GBE1: variants seen among roughly 807,000 people sequenced by gnomAD.
The protein encoded by GBE1 is 1,4-alpha-glucan-branching enzyme.
Under a neutral mutation model 88.8 loss-of-function variants are expected in GBE1, and 70 were observed. The observed-to-expected ratio is 0.79, with a 90% CI of 0.65 to 0.96. GBE1 has a LOEUF of 0.96. GBE1 is among the 40% of genes least tolerant of loss of function. The pLI is 0.00. For missense variants in GBE1, 872 were observed against 871.0 expected (o/e 1.00, Z -0.01); for synonymous variants, 284 against 300.1 (o/e 0.95, Z 0.56).
At chr3:81,659,433 T>C (rs887293402) in intron 3 of GBE1, among the ~76,000 whole-genome samples, 1 of 151,842 alleles carries the variant, frequency 6.6e-6, no homozygotes, top group South Asian at 2.1e-4. Flanking sequence ...CCTCCCAGGT[T>C]CAAGGGATTC....
chr3:81,559,890 T>C (rs909932216), intron 12 of GBE1, among the ~76,000 whole-genome samples: 14 of 152,054 alleles, frequency 9.2e-5, no homozygotes, highest in African/African-American at 3.1e-4. Flanking sequence ...GCAAGCAAAA[T>C]AACATGTTCA....
chr3:81,531,978 C>A (rs1703016787), intron 14 of GBE1, among the ~76,000 whole-genome samples: 1 of 151,950 alleles, frequency 6.6e-6, no homozygotes, highest in South Asian at 2.1e-4. Flanking sequence ...GCCCATGTTA[C>A]CTTCTGCTGT....
intron 7 of GBE1, among the ~76,000 whole-genome samples, chr3:81,622,574 A>G (rs1439093207): frequency 6.6e-6 from 1 of 152,150 alleles, no homozygotes; most frequent in Non-Finnish European, 1.5e-5. Context: ...CCTCCCCACT[A>G]AATTCCAGGC....
At chr3:81,501,095 CT>C (rs1282949835) in intron 14 of GBE1, among the ~76,000 whole-genome samples, 1 of 152,130 alleles carries the variant, frequency 6.6e-6, no homozygotes, top group Non-Finnish European at 1.5e-5. Flanking sequence ...CATGTACCCC[CT>C]GAACCTAAAA....
chr3:81,750,541 A>ATATATGTG (rs1706484746), intron 1 of GBE1, among the ~76,000 whole-genome samples: 1 of 97,844 alleles, frequency 1.0e-5, no homozygotes, highest in African/African-American at 5.1e-5. Flanking sequence ...ATATATACGT[A>ATATATGTG]TATATATATG....
intron 7 of GBE1, among the ~76,000 whole-genome samples, chr3:81,596,639 C>T (rs1167179186): frequency 6.6e-6 from 1 of 151,868 alleles, no homozygotes; most frequent in Non-Finnish European, 1.5e-5. Flanking sequence ...TTATAAAATA[C>T]TTAGGACACA....
rs190309440 is a variant in GBE1, at chr3:81,605,262, G to T, written c.993-11239C>A. On this transcript the variant is annotated intron_variant, in intron 7 of 15. Transcript: ENST00000429644. ...CTAGACTTTCAAAGGGTTCTGCAAT[G>T]ATTAATTTAACAATCTACCCATATT... 2.3e-4 allele frequency among the ~76,000 whole-genome samples: 35 copies of T among 152,186 alleles called. 1 individual carries two copies. The highest frequency in any genetic ancestry group is 2.0e-3 in the Admixed American group (31 of 15,270).
At chr3:81,589,904 AAGTATT>A (rs1235921515) in intron 9 of GBE1, among the ~76,000 whole-genome samples, 1 of 152,068 alleles carries the variant, frequency 6.6e-6, no homozygotes, top group African/African-American at 2.4e-5. Flanking sequence ...ATATTAGCAC[AAGTATT>A]AGTAAGATGT....
chr3:81,612,570 C>T (rs1704197479), intron 7 of GBE1: 3 of 730,542 alleles, frequency 4.1e-6, no homozygotes, highest in African/African-American at 1.7e-5. Flanking sequence ...AATGTTGTTA[C>T]CCCCAAATTT....
chr3:81,499,702 G>A (rs1482397602), intron 14 of GBE1, among the ~76,000 whole-genome samples: 5 of 152,262 alleles, frequency 3.3e-5, no homozygotes, highest in African/African-American at 1.2e-4. Context: ...CTCCATATCT[G>A]TGGATTTTGC....
At chr3:81,681,030 C>T (rs3772900) in intron 2 of GBE1, among the ~76,000 whole-genome samples, 1 of 152,310 alleles carries the variant, frequency 6.6e-6, no homozygotes, top group East Asian at 1.9e-4. Context: ...TTGGTCTGAA[C>T]CTGACTATCC....
chr3:81,661,641 C>G (rs1705033547), intron 3 of GBE1, among the ~76,000 whole-genome samples: 1 of 152,138 alleles, frequency 6.6e-6, no homozygotes, highest in Non-Finnish European at 1.5e-5. Context: ...ATGCCTTAGA[C>G]TGATTTCTAA....
At chr3:81,593,335 A>C (rs1013325809) in intron 8 of GBE1, among the ~76,000 whole-genome samples, 8 of 150,642 alleles carry the variant, frequency 5.3e-5, no homozygotes, top group African/African-American at 1.9e-4. Context: ...ACTGCGCTCC[A>C]GCCTGGGCAA....
At chr3:81,521,139 CT>C (rs1012507467) in intron 14 of GBE1, among the ~76,000 whole-genome samples, 4 of 151,450 alleles carry the variant, frequency 2.6e-5, no homozygotes, top group Admixed American at 1.3e-4. Flanking sequence ...AAATTGATGT[CT>C]TGCTATTTGA....
At chr3:81,755,616 T>C (rs189127826) in intron 1 of GBE1, among the ~76,000 whole-genome samples, 47 of 152,274 alleles carry the variant, frequency 3.1e-4, no homozygotes, top group Middle Eastern at 3.4e-3. Flanking sequence ...ACAGTATATA[T>C]ACACAATGGA....
At chr3:81,584,696 A>T (rs1703776775) in intron 10 of GBE1, among the ~76,000 whole-genome samples, 1 of 151,610 alleles carries the variant, frequency 6.6e-6, no homozygotes, top group Non-Finnish European at 1.5e-5. Flanking sequence ...ATAAGTAAGT[A>T]TGATACATTG....
chr3:81,737,640 A>G (rs1035015058), intron 1 of GBE1, among the ~76,000 whole-genome samples: 5 of 150,810 alleles, frequency 3.3e-5, no homozygotes, highest in African/African-American at 4.9e-5. Flanking sequence ...TAATTTAAAA[A>G]CTGGTACTTT....
chr3:81,716,473 T>C, intron 1 of GBE1, among the ~76,000 whole-genome samples: 1 of 152,178 alleles, frequency 6.6e-6, no homozygotes, highest in Non-Finnish European at 1.5e-5. Context: ...ACTGCTAAGA[T>C]CTTTCTAGGT....
chr3:81,564,828 T>C (rs1332803303), intron 12 of GBE1, among the ~76,000 whole-genome samples: 4 of 152,158 alleles, frequency 2.6e-5, no homozygotes, highest in African/African-American at 7.2e-5. Context: ...TCAATCTTCA[T>C]TTTTGCATGT....
Sources: allele counts gnomAD v4.1 joint callset (sites outside exome capture counted in the v4.1 genomes callset), GRCh38; gene constraint gnomAD v4.1.1; transcripts MANE v1.5; gene names NCBI Gene and HGNC (gene_info 2026-07-23, HGNC 2026-07-21).